Variants in RGS8 observed in about 807,000 individuals in gnomAD.
The protein encoded by RGS8 is regulator of G protein signaling 8.
RGS8 carries 8 observed loss-of-function variants against 21.7 expected under a neutral mutation model. That is an observed-to-expected ratio of 0.37 (90% CI 0.22 to 0.66). The LOEUF is 0.66. Ranked by LOEUF, RGS8 falls within the 30% of genes least tolerant of loss-of-function variation. RGS8 has a pLI of 0.59. For missense variants in RGS8, 157 were observed against 217.9 expected, an observed-to-expected ratio of 0.72 and a Z score of 1.76; for synonymous variants, 80 against 83.6, an observed-to-expected ratio of 0.96 and a Z score of 0.24.
chr1:182,670,366 T>G (rs1664096328), intron 2 of RGS8, among the ~76,000 whole-genome samples: 1 of 152,210 alleles, frequency 6.6e-6, no homozygotes, highest in Non-Finnish European at 1.5e-5. Context: ...TACATGACCT[T>G]CCTCAGCCTG....
chr1:182,669,283 C>T (rs1571342453), intron 3 of RGS8, among the ~76,000 whole-genome samples: 1 of 152,226 alleles, frequency 6.6e-6, no homozygotes, highest in Admixed American at 6.5e-5. Flanking sequence ...TCATCTTTCT[C>T]CTTTCTACAG....
At chr1:182,705,409 G>C in the RGS8 span, among the ~76,000 whole-genome samples, 1 of 152,152 alleles carries the variant, frequency 6.6e-6, no homozygotes, top group Non-Finnish European at 1.5e-5. Flanking sequence ...TCTTTATTCC[G>C]TCTACAGATT....
chr1:182,699,553 ACGTGCCACATAGCT>A, the RGS8 span, among the ~76,000 whole-genome samples: 2 of 152,230 alleles, frequency 1.3e-5, 1 homozygote, highest in Admixed American at 1.3e-4. Flanking sequence ...CAGGCTAGAC[ACGTGCCACATAGCT>A]GTGTCCTTAG....
intron 5 of RGS8, among the ~76,000 whole-genome samples, chr1:182,665,645 C>T (rs995117218): frequency 6.6e-6 from 1 of 152,174 alleles, no homozygotes; most frequent in Non-Finnish European, 1.5e-5. Context: ...CTGGCTGGAA[C>T]CTAGCTTCTC....
chr1:182,719,099 T>G, the RGS8 span, among the ~76,000 whole-genome samples: 7 of 152,292 alleles, frequency 4.6e-5, no homozygotes, highest in East Asian at 1.4e-3. Flanking sequence ...TCCCAACAGC[T>G]CATTACCCAT....
chr1:182,690,471 G>A, the RGS8 span, among the ~76,000 whole-genome samples: 1 of 152,280 alleles, frequency 6.6e-6, no homozygotes, highest in South Asian at 2.1e-4. Flanking sequence ...TTAGCATATA[G>A]GCATGGATGT....
At chr1:182,707,795 C>T in the RGS8 span, among the ~76,000 whole-genome samples, 1 of 152,178 alleles carries the variant, frequency 6.6e-6, no homozygotes, top group African/African-American at 2.4e-5. Flanking sequence ...CAAGCTCTGC[C>T]TCCCGGGTTC....
downstream of RGS8, chr1:182,645,429 C>T (rs894444898): frequency 6.6e-6 from 1 of 152,194 alleles, no homozygotes; most frequent in African/African-American, 2.4e-5. Context: ...CAGCTTTTTC[C>T]TGGGTGGCTA....
intron 3 of RGS8, 68 bp downstream of exon 4, chr1:182,669,554 CAG>C: frequency 6.2e-7 from 1 of 1,610,416 alleles, no homozygotes. Flanking sequence ...ACTCAAATAA[CAG>C]AGGGTGTGAC....
chr1:182,676,089 C>G (rs554039530), upstream of RGS8, among the ~76,000 whole-genome samples: 7 of 152,300 alleles, frequency 4.6e-5, no homozygotes, highest in African/African-American at 1.7e-4. Context: ...GTCAGCTGCA[C>G]AGGTACATAA....
At chr1:182,645,221 A>C (rs1662651260), downstream of RGS8, 1 of 152,222 alleles carries the variant, frequency 6.6e-6, no homozygotes, top group Non-Finnish European at 1.5e-5. Context: ...ATGCCTAATC[A>C]TGTGCTGTTC....
exon 7 of RGS8, chr1:182,646,585 T>C: frequency 1.5e-6 from 1 of 686,302 alleles, no homozygotes. Flanking sequence ...TGGGTCATAC[T>C]TTGGAATGGC....
chr1:182,679,774 T>A (rs1664481841), intron 1 of RGS8, among the ~76,000 whole-genome samples: 2 of 151,966 alleles, frequency 1.3e-5, no homozygotes, highest in African/African-American at 4.8e-5. Context: ...TATTCCCATC[T>A]TTTCTTGGCC....
At chr1:182,722,645 TTCTTGCCTGCATC>T in the RGS8 span, among the ~76,000 whole-genome samples, 4 of 152,144 alleles carry the variant, frequency 2.6e-5, no homozygotes, top group Non-Finnish European at 5.9e-5. Flanking sequence ...TCCTGTGGCC[TTCTTGCCTGCATC>T]TCTATGTGTC....
At chr1:182,649,639 C>T (rs1313596499) in intron 5 of RGS8, among the ~76,000 whole-genome samples, 6 of 152,096 alleles carry the variant, frequency 3.9e-5, no homozygotes, top group Non-Finnish European at 7.4e-5. Flanking sequence ...GCAGGGTTAC[C>T]ATGTCAAGTT....
chr1:182,712,511 C>T, the RGS8 span, among the ~76,000 whole-genome samples: 2 of 152,184 alleles, frequency 1.3e-5, no homozygotes, highest in South Asian at 2.1e-4. Flanking sequence ...ACGGCCAGAA[C>T]ATAAAAATGT....
At chr1:182,742,725 C>A in the RGS8 span, among the ~76,000 whole-genome samples, 1 of 138,008 alleles carries the variant, frequency 7.2e-6, no homozygotes, top group Non-Finnish European at 1.6e-5. Context: ...AGAGGGAGAC[C>A]GTGGAAAGAG....
chr1:182,649,176 G>T (rs951107114), intron 5 of RGS8, among the ~76,000 whole-genome samples: 9 of 152,144 alleles, frequency 5.9e-5, no homozygotes, highest in African/African-American at 2.2e-4. Flanking sequence ...TGGGGCACAG[G>T]TGTCTCTATC....
upstream of RGS8, among the ~76,000 whole-genome samples, chr1:182,686,311 G>A (rs12058131): frequency 0.032 from 4,884 of 151,766 alleles, 111 homozygotes; most frequent in Middle Eastern, 0.048. Flanking sequence ...AGTGTTGATC[G>A]AATTTTTTTT....
Sources: gnomAD v4.1 joint callset for allele counts (sites outside exome capture counted in the v4.1 genomes callset) on GRCh38, gnomAD v4.1.1 for gene constraint, MANE v1.5 for transcripts, NCBI Gene and HGNC (gene_info 2026-07-23, HGNC 2026-07-21) for gene names.